Variants in GBA1 observed in about 807,000 individuals in gnomAD.
GBA1 encodes lysosomal acid glucosylceramidase.
chr1:155,240,430 C>T, the GBA1 span: 1 of 642,944 alleles, frequency 1.6e-6, no homozygotes, highest in Non-Finnish European at 2.8e-6. Flanking sequence ...CACCACTGCA[C>T]TCCAGCCCAG....
At chr1:155,237,876 T>C in the GBA1 span, 4 of 638,996 alleles carry the variant, frequency 6.3e-6, no homozygotes, top group African/African-American at 7.6e-5. Context: ...CACTCCAGCC[T>C]GGGTGACAGA....
chr1:155,241,368 T>C, the GBA1 span: 1 of 591,376 alleles, frequency 1.7e-6, no homozygotes. Flanking sequence ...TTACAGATTA[T>C]ATGCCCTATA....
At chr1:155,236,489 G>C in the GBA1 span, 1 of 1,582,904 alleles carries the variant, frequency 6.3e-7, no homozygotes, top group Non-Finnish European at 8.7e-7. Flanking sequence ...AAGAGCAACT[G>C]ATCCTGGACC....
chr1:155,239,594 A>G, the GBA1 span: 52 of 1,614,096 alleles, frequency 3.2e-5, no homozygotes, highest in African/African-American at 5.9e-4. Context: ...GCTCTATGTC[A>G]TCTTGTCCCC....
the GBA1 span, among the ~76,000 whole-genome samples, chr1:155,242,497 C>T: frequency 0.39 from 58,889 of 151,856 alleles, 12,475 homozygotes; most frequent in East Asian, 0.7. Context: ...GCTGGGATTA[C>T]AGGCATGAGC....
At chr1:155,237,209 A>G in the GBA1 span, 11 of 1,512,802 alleles carry the variant, frequency 7.3e-6, no homozygotes, top group East Asian at 2.6e-4. Context: ...GATCCATGGC[A>G]CCCTGGAGGT....
At chr1:155,239,742 G>A in the GBA1 span, 4 of 1,614,052 alleles carry the variant, frequency 2.5e-6, no homozygotes, top group South Asian at 4.4e-5. Context: ...TTCTGTTCTG[G>A]CTGCAGGGTC....
chr1:155,235,275 C>G, the GBA1 span: 1 of 1,613,852 alleles, frequency 6.2e-7, no homozygotes, highest in African/African-American at 1.3e-5. Context: ...GACTGGCAAC[C>G]AGCCCCACTC....
chr1:155,239,467 G>T, the GBA1 span: 1 of 846,900 alleles, frequency 1.2e-6, no homozygotes, highest in Non-Finnish European at 1.9e-6. Flanking sequence ...GGAGGCAGAG[G>T]TTGCTGTGAG....
chr1:155,244,363 AC>A, the GBA1 span: 3 of 152,128 alleles, frequency 2.0e-5, no homozygotes, highest in Non-Finnish European at 1.5e-5. Context: ...AGGCGCCATT[AC>A]ACTCCAGCCT....
the GBA1 span, among the ~76,000 whole-genome samples, chr1:155,243,307 C>A: frequency 6.6e-6 from 1 of 152,214 alleles, no homozygotes; most frequent in Admixed American, 6.5e-5. Flanking sequence ...CAGGTAATAT[C>A]TAGTACCTTA....
At chr1:155,243,457 T>C in the GBA1 span, among the ~76,000 whole-genome samples, 1 of 152,154 alleles carries the variant, frequency 6.6e-6, no homozygotes, top group Non-Finnish European at 1.5e-5. Context: ...TTTGGCCAGG[T>C]ACTGAGCAAT....
At chr1:155,240,181 T>A in the GBA1 span, 1 of 1,094,638 alleles carries the variant, frequency 9.1e-7, no homozygotes. Flanking sequence ...CCTCACCCCT[T>A]GGCCGGGCGC....
the GBA1 span, chr1:155,237,613 G>A: frequency 6.2e-7 from 1 of 1,611,686 alleles, no homozygotes; most frequent in Non-Finnish European, 8.5e-7. Context: ...ATCCGGCCAA[G>A]AAAGTGGACC....
At chr1:155,235,727 C>G in the GBA1 span, 181 of 1,613,424 alleles carry the variant, frequency 1.1e-4, no homozygotes, top group Admixed American at 3.0e-4. Context: ...TAAAACGTGT[C>G]CTTGGTGATG....
the GBA1 span, among the ~76,000 whole-genome samples, chr1:155,236,751 TTGTG>T: frequency 2.0e-5 from 3 of 151,388 alleles, no homozygotes; most frequent in Non-Finnish European, 4.4e-5. Context: ...CCCAGCTAAT[TTGTG>T]TGTGTATGTG....
At chr1:155,244,198 G>A in the GBA1 span, 1 of 152,308 alleles carries the variant, frequency 6.6e-6, no homozygotes, top group Non-Finnish European at 1.5e-5. Flanking sequence ...AGGAATTGGA[G>A]ACCAGCCTGA....
chr1:155,239,385 C>T, the GBA1 span, among the ~76,000 whole-genome samples: 3 of 151,848 alleles, frequency 2.0e-5, no homozygotes, highest in Non-Finnish European at 4.4e-5. Flanking sequence ...CAAAAATTAG[C>T]CAGGTGGTAG....
chr1:155,239,090 C>G, the GBA1 span, among the ~76,000 whole-genome samples: 1 of 151,882 alleles, frequency 6.6e-6, no homozygotes, highest in African/African-American at 2.4e-5. Context: ...TGGTGGCAGG[C>G]ACCTGTAATC....
Sources: allele counts gnomAD v4.1 joint callset (sites outside exome capture counted in the v4.1 genomes callset), GRCh38; gene constraint gnomAD v4.1.1; transcripts MANE v1.5; gene names NCBI Gene and HGNC (gene_info 2026-07-23, HGNC 2026-07-21).